Variants in PVT1 observed in about 807,000 individuals in gnomAD.
PVT1 encodes the protein Pvt1 oncogene, also known as CXCR4/PVT1 fusion.
At chr8:127,929,736 C>T (rs1816180394) in intron 3 of PVT1, among the ~76,000 whole-genome samples, 1 of 151,998 alleles carries the variant, frequency 6.6e-6, no homozygotes, top group Non-Finnish European at 1.5e-5. Flanking sequence ...CCACTGGACT[C>T]CAGCCTGGGT....
intron 4 of PVT1, among the ~76,000 whole-genome samples, chr8:128,027,550 CCA>C (rs1234597105): frequency 1.3e-5 from 2 of 152,180 alleles, no homozygotes; most frequent in Non-Finnish European, 2.9e-5. Context: ...GCTTTGAGTC[CCA>C]GAGTCAGTGA....
At chr8:127,838,112 G>A (rs1740656143) in intron 2 of PVT1, among the ~76,000 whole-genome samples, 1 of 151,938 alleles carries the variant, frequency 6.6e-6, no homozygotes, top group African/African-American at 2.4e-5. Context: ...AGTCAGGCTG[G>A]TCTCGAACTC....
chr8:128,032,550 A>G (rs189283708), intron 4 of PVT1, among the ~76,000 whole-genome samples: 1 of 152,356 alleles, frequency 6.6e-6, no homozygotes, highest in East Asian at 1.9e-4. Flanking sequence ...ATGGTGTACC[A>G]TAATTGCGTC....
At chr8:128,085,696 T>A (rs1351781011) in intron 5 of PVT1, among the ~76,000 whole-genome samples, 1 of 152,222 alleles carries the variant, frequency 6.6e-6, no homozygotes, top group Non-Finnish European at 1.5e-5. Context: ...AAGAAACAAA[T>A]GCTTCCAATT....
chr8:128,046,435 G>C (rs960373285), intron 4 of PVT1, among the ~76,000 whole-genome samples: 18 of 152,220 alleles, frequency 1.2e-4, no homozygotes, highest in African/African-American at 4.1e-4. Context: ...GGCTCCGTAG[G>C]CCTCTGTTTA....
chr8:127,878,346 T>G (rs73710047), intron 2 of PVT1, among the ~76,000 whole-genome samples: 37 of 152,338 alleles, frequency 2.4e-4, no homozygotes, highest in African/African-American at 8.2e-4. Flanking sequence ...GAGGATCTAC[T>G]AGGTGCAAGG....
intron 4 of PVT1, among the ~76,000 whole-genome samples, chr8:128,031,490 C>A (rs997765460): frequency 2.0e-5 from 3 of 152,072 alleles, no homozygotes. Flanking sequence ...CCTGGTATTG[C>A]GTACAAAGCA....
chr8:127,826,471 C>A (rs200684694), intron 2 of PVT1, among the ~76,000 whole-genome samples: 1 of 152,042 alleles, frequency 6.6e-6, no homozygotes, highest in Non-Finnish European at 1.5e-5. Flanking sequence ...CTAGATTCAT[C>A]GTTTGGAATC....
intron 4 of PVT1, among the ~76,000 whole-genome samples, chr8:128,040,963 G>A (rs1440130728): frequency 2.0e-5 from 3 of 150,876 alleles, no homozygotes; most frequent in Admixed American, 6.6e-5. Flanking sequence ...GGGTGTGTTT[G>A]TGTGCATATG....
intron 3 of PVT1, among the ~76,000 whole-genome samples, chr8:127,973,687 A>T (rs1214473848): frequency 6.6e-6 from 1 of 151,400 alleles, no homozygotes; most frequent in South Asian, 2.1e-4. Context: ...TTTGAAAAAA[A>T]AAAAAAGAAG....
At chr8:128,058,377 C>CTTGTGTGT in intron 4 of PVT1, among the ~76,000 whole-genome samples, 1 of 110,050 alleles carries the variant, frequency 9.1e-6, no homozygotes, top group East Asian at 3.3e-4. Context: ...CAAACTGATG[C>CTTGTGTGT]ATGTGTGTGT....
rs1015863557 is a variant in PVT1 at position 127,862,407 on chromosome 8, CA to C, written n.373-28170del. On this transcript the variant is annotated intron_variant and non_coding_transcript_variant, in intron 2 of 10. Coordinates refer to ENST00000651587, the Ensembl canonical transcript of PVT1. Reference sequence around the variant, plus strand: ...TGAAAGACAGAGTGAGACTCCATCTCAAAAAAAAAAAATTAACTTTTAATTT... The same window carrying C: ...TGAAAGACAGAGTGAGACTCCATCTCAAAAAAAAAAATTAACTTTTAATTT... Among the ~76,000 whole-genome samples the C allele has an allele frequency of 2.1e-3, 303 of 142,704 alleles. 1 individual carries two copies. Among genetic ancestry groups the C allele is most frequent in the African/African-American group, 5.3e-3 (206 of 38,948 alleles). 93.6% of individuals were successfully genotyped at this position (142,704 alleles called of 152,430 possible).
At chr8:127,805,923 G>A (rs1251290732) in intron 2 of PVT1, among the ~76,000 whole-genome samples, 1 of 152,050 alleles carries the variant, frequency 6.6e-6, no homozygotes, top group African/African-American at 2.4e-5. Flanking sequence ...AGAACAAAGT[G>A]TTAGCAGAAA....
chr8:128,023,399 AC>A (rs1474883994), intron 4 of PVT1, among the ~76,000 whole-genome samples: 1 of 152,148 alleles, frequency 6.6e-6, no homozygotes, highest in Non-Finnish European at 1.5e-5. Flanking sequence ...TACCTACTTG[AC>A]CACGCAGATA....
At chr8:127,797,358 G>A (rs1814409555) in intron 2 of PVT1, among the ~76,000 whole-genome samples, 1 of 152,090 alleles carries the variant, frequency 6.6e-6, no homozygotes, top group African/African-American at 2.4e-5. Context: ...TCCTGATGCA[G>A]GTTTGTGATC....
At chr8:128,050,353 A>C (rs1467319220) in intron 4 of PVT1, among the ~76,000 whole-genome samples, 2 of 152,182 alleles carry the variant, frequency 1.3e-5, no homozygotes, top group Non-Finnish European at 2.9e-5. Flanking sequence ...TGTCCAACTC[A>C]AAAACAGTAG....
intron 5 of PVT1, chr8:128,096,498 T>A (rs1305414913): frequency 6.6e-6 from 1 of 152,178 alleles, no homozygotes; most frequent in Non-Finnish European, 1.5e-5. Flanking sequence ...GGATCTTTTT[T>A]TTTTTCTCTT....
chr8:128,075,450 T>TA (rs368920788), intron 5 of PVT1, among the ~76,000 whole-genome samples: 4,827 of 144,190 alleles, frequency 0.033, 103 homozygotes, highest in Middle Eastern at 0.057. Flanking sequence ...CTCCTTTTTT[T>TA]AAAAAAAAAT....
intron 3 of PVT1, among the ~76,000 whole-genome samples, chr8:127,907,438 G>T (rs145575550): frequency 1.3e-5 from 2 of 152,182 alleles, no homozygotes; most frequent in Non-Finnish European, 2.9e-5. Flanking sequence ...GAACTGACAC[G>T]GGCCTGCTAT....
Sources: gnomAD v4.1 joint callset for allele counts (sites outside exome capture counted in the v4.1 genomes callset) on GRCh38, gnomAD v4.1.1 for gene constraint, MANE v1.5 for transcripts, NCBI Gene and HGNC (gene_info 2026-07-23, HGNC 2026-07-21) for gene names.